TEX14: variants seen among roughly 807,000 people sequenced by gnomAD.
The protein encoded by TEX14 is testis expressed 14, intercellular bridge forming factor, also known as inactive serine/threonine-protein kinase TEX14.
In TEX14, 168 loss-of-function variants were observed where a neutral mutation model predicts 178.6. The observed-to-expected ratio is 0.94, with a 90% CI of 0.83 to 1.07. TEX14 has a LOEUF of 1.07. Ranked by LOEUF, TEX14 falls within the 50% of genes least tolerant of loss-of-function variation. TEX14 has a pLI of 0.00. For missense variants in TEX14, 1,730 were observed against 1,753.6 expected (o/e 0.99, Z 0.24); for synonymous variants, 626 against 634.1 (o/e 0.99, Z 0.19).
Position 58,611,290 on chromosome 17 carries a change from A to G in TEX14, c.1055T>C (p.Leu352Pro). ...LHMEVIVHLL[L>P]QISDALRYLH... ...GTATCTCAGGGCATCAGATATCTGG[A>G]GCAGCAGGTGCACAATCACCTCCAT... The change falls in exon 10 of 32, where the codon CTC becomes CCC. Residue 352 changes from leucine to proline, a missense_variant. Transcript: ENST00000349033. The G allele has an allele frequency of 1.2e-6, 2 of 1,613,472 alleles. No individual in the cohort carries two copies. The highest frequency in any genetic ancestry group is 1.7e-6 in the Non-Finnish European group (2 of 1,179,480).
chr17:58,594,850 CAATTTTAACAT>C (rs1282258285), intron 14 of TEX14, among the ~76,000 whole-genome samples: 2 of 152,166 alleles, frequency 1.3e-5, no homozygotes, highest in Middle Eastern at 3.4e-3. Flanking sequence ...CTACTTATCC[CAATTTTAACAT>C]AATTTTAACA....
intron 1 of TEX14, among the ~76,000 whole-genome samples, chr17:58,670,231 TAG>T (rs2047281302): frequency 6.6e-6 from 1 of 152,212 alleles, no homozygotes; most frequent in Admixed American, 6.6e-5. Flanking sequence ...TTTCCTGGGC[TAG>T]ACTACAGACT....
chr17:58,616,407 T>G, intron 6 of TEX14, 102 bp from the exon 7 acceptor site: 1 of 1,459,144 alleles, frequency 6.9e-7, no homozygotes, highest in Non-Finnish European at 9.1e-7. Flanking sequence ...CTGCTATTTA[T>G]CAACTTTCTG....
At chr17:58,602,359 T>C in intron 12 of TEX14, 41 bp downstream of exon 12, 1 of 1,552,596 alleles carries the variant, frequency 6.4e-7, no homozygotes, top group Non-Finnish European at 8.8e-7. Context: ...TCTCCTGAGT[T>C]AGGTAAGCAG....
At chr17:58,563,483 C>A (rs1330250437) in intron 28 of TEX14, among the ~76,000 whole-genome samples, 1 of 151,110 alleles carries the variant, frequency 6.6e-6, no homozygotes, top group Non-Finnish European at 1.5e-5. Context: ...CAACAAATAA[C>A]CCTATCAAAA....
intron 3 of TEX14, among the ~76,000 whole-genome samples, chr17:58,623,313 C>A (rs2046048020): frequency 6.6e-6 from 1 of 152,088 alleles, no homozygotes; most frequent in African/African-American, 2.4e-5. Context: ...CATTCCCAGG[C>A]ATAGATCTGG....
Position 58,602,274 on chromosome 17 carries a change from T to C in TEX14, c.1527+126A>G, listed in dbSNP as rs530898339. The stretch of plus-strand genomic sequence containing the variant: ...TAGGCTATTATCAAGAACACAGAAA[T>C]GGTGTAATAAAATGAGGATTTCCAA... On this transcript the variant is annotated intron_variant, in intron 12 of 31. Coordinates refer to ENST00000349033, the MANE Select transcript of TEX14 (RefSeq NM_031272.5). 4 of 875,264 alleles carry C rather than the reference T, an allele frequency of 4.6e-6. 1 individual carries two copies. The South Asian group carries it at 5.4e-5, about 12-fold the overall frequency. 54.2% of individuals were successfully genotyped at this position (875,264 alleles called of 1,614,324 possible).
intron 11 of TEX14, 44 bp from the exon 12 acceptor site, chr17:58,602,634 AGAGTG>A: frequency 6.6e-7 from 1 of 1,514,062 alleles, no homozygotes; most frequent in Non-Finnish European, 9.1e-7. Context: ...AGGAAACCAA[AGAGTG>A]GAGTGGGGGG....
intron 5 of TEX14, 38 bp downstream of exon 5, chr17:58,621,612 G>A (rs1176364044): frequency 1.3e-6 from 2 of 1,572,776 alleles, no homozygotes; most frequent in South Asian, 1.2e-5. Context: ...AAGGCTGGGT[G>A]ATGGAGACTA....
intron 1 of TEX14, among the ~76,000 whole-genome samples, chr17:58,671,957 A>G (rs570556654): frequency 6.6e-6 from 1 of 152,058 alleles, no homozygotes; most frequent in East Asian, 1.9e-4. Flanking sequence ...GAGGCTCCCA[A>G]ACTTTTTGGC....
At chr17:58,663,739 A>T (rs982743367) in intron 1 of TEX14, among the ~76,000 whole-genome samples, 2 of 152,116 alleles carry the variant, frequency 1.3e-5, no homozygotes, top group Non-Finnish European at 2.9e-5. Flanking sequence ...AAGTGCTGGG[A>T]TTACAGGCAT....
At chr17:58,626,565 A>G (rs1431734356) in intron 3 of TEX14, among the ~76,000 whole-genome samples, 2 of 51,756 alleles carry the variant, frequency 3.9e-5, no homozygotes, top group African/African-American at 9.1e-5. Context: ...GTGAGACTCC[A>G]TCTCAAAAAA....
chr17:58,604,876 A>C (rs2045567664), intron 11 of TEX14, 102 bp downstream of exon 11: 1 of 1,344,276 alleles, frequency 7.4e-7, no homozygotes, highest in East Asian at 2.3e-5. Context: ...GTCTCTTTTT[A>C]ATAAGTCTTC....
intron 1 of TEX14, chr17:58,661,488 G>A (rs757381277): frequency 2.6e-6 from 2 of 781,090 alleles, no homozygotes; most frequent in South Asian, 2.7e-5. Context: ...TGGACTATTC[G>A]GGAACCGGTG....
chr17:58,682,303 G>A (rs1462093879), intron 1 of TEX14, among the ~76,000 whole-genome samples: 1 of 151,506 alleles, frequency 6.6e-6, no homozygotes, highest in Non-Finnish European at 1.5e-5. Flanking sequence ...TGTCGTCCAG[G>A]CTAGAGTGCA....
At chr17:58,673,543 C>T (rs2143494546) in intron 1 of TEX14, among the ~76,000 whole-genome samples, 1 of 150,464 alleles carries the variant, frequency 6.6e-6, no homozygotes, top group Middle Eastern at 3.4e-3. Flanking sequence ...ACTTATTTTT[C>T]TCTCTCCTTT....
At chr17:58,632,539 T>C (rs1375500604) in intron 2 of TEX14, among the ~76,000 whole-genome samples, 1 of 152,176 alleles carries the variant, frequency 6.6e-6, no homozygotes. Context: ...TGGTTTAAGC[T>C]TCAGTAGCTT....
chr17:58,668,754 AG>A, intron 1 of TEX14, among the ~76,000 whole-genome samples: 1 of 152,324 alleles, frequency 6.6e-6, no homozygotes, highest in East Asian at 1.9e-4. Context: ...TGGATCACCC[AG>A]AAAGCATGTG....
intron 4 of TEX14, among the ~76,000 whole-genome samples, chr17:58,622,470 A>C (rs1214100082): frequency 6.6e-6 from 1 of 152,042 alleles, no homozygotes; most frequent in Non-Finnish European, 1.5e-5. Flanking sequence ...CCTGCCAAAC[A>C]AAGTTACTTA....
Sources: allele counts gnomAD v4.1 joint callset (sites outside exome capture counted in the v4.1 genomes callset), GRCh38; gene constraint gnomAD v4.1.1; transcripts MANE v1.5; gene names NCBI Gene and HGNC (gene_info 2026-07-23, HGNC 2026-07-21).